The following KIAA1614 variants were observed in gnomAD, a reference collection of about 807,000 sequenced individuals.
The protein encoded by KIAA1614 is KIAA1614.
Under a neutral mutation model 88.7 loss-of-function variants are expected in KIAA1614, and 76 were observed. The ratio of observed to expected loss-of-function variants is 0.86; its 90% CI spans 0.71 to 1.04. KIAA1614 has a LOEUF of 1.04. KIAA1614 is among the 50% of genes least tolerant of loss of function. The pLI is 0.00. For missense variants in KIAA1614, 1,553 were observed against 1,582.5 expected (o/e 0.98, Z 0.32); for synonymous variants, 714 against 675.5 (o/e 1.06, Z -0.88).
chr1:180,928,922 C>T (rs749321391), intron 4 of KIAA1614, among the ~76,000 whole-genome samples: 10 of 152,166 alleles, frequency 6.6e-5, no homozygotes, highest in Admixed American at 2.0e-4. Flanking sequence ...GTTAACTCCA[C>T]CTGGAAAGGA....
chr1:180,945,369 C>A lies in KIAA1614; in HGVS notation c.3354C>A (p.Arg1118=), dbSNP rs200225289. 5 of 1,599,792 alleles carry A rather than the reference C, an allele frequency of 3.1e-6. No homozygotes were observed. Among genetic ancestry groups the A allele is most frequent in the Non-Finnish European group, 4.3e-6 (5 of 1,175,858 alleles). Residue 1118 remains arginine (R), a synonymous_variant, in exon 9 of 9, where the codon CGC becomes CGA. Coordinates refer to ENST00000367588, the MANE Select transcript of KIAA1614 (RefSeq NM_020950.2). ...VEDVGAPSLA[R]TVGRLVEVFP... is the part of the protein sequence containing the mutation. ...ACGTGGGTGCTCCCAGCCTGGCTCG[C>A]ACCGTGGGCCGCCTGGTGGAGGTGT...
intron 4 of KIAA1614, among the ~76,000 whole-genome samples, chr1:180,934,076 GA>G (rs1471809636): frequency 2.6e-5 from 4 of 152,278 alleles, no homozygotes; most frequent in Admixed American, 1.3e-4. Flanking sequence ...CCAACATGGA[GA>G]AACCCCGTCT....
chr1:180,919,350 G>A (rs572601237), intron 3 of KIAA1614, among the ~76,000 whole-genome samples: 105 of 152,282 alleles, frequency 6.9e-4, no homozygotes, highest in East Asian at 2.3e-3. Flanking sequence ...CTCCCTGGCC[G>A]CTGTTTCCAG....
At position 180,945,867 on chromosome 1, in the gene KIAA1614, GGCCGAGGC is replaced by G. The variant is rs1654579738; in HGVS notation, c.*283_*290del. 8.9e-7 allele frequency: 1 copy of G among 1,123,456 alleles called. No homozygotes were observed. The highest frequency in any genetic ancestry group is 1.6e-5 in the African/African-American group (1 of 61,052). The allele number at this position is 1,123,456 out of a possible 1,614,324, so 69.6% of individuals were successfully genotyped here. A position where few individuals can be genotyped will look rare whatever the true frequency, so the allele number is the denominator to read the frequency against. Reference sequence around the variant, plus strand: ...TGCCTGTAATCCCAGAACTTTGGGAGGCCGAGGCGCCTGGATCACCTGAGGTCAGGAGT... The same window carrying G: ...TGCCTGTAATCCCAGAACTTTGGGAGGCCTGGATCACCTGAGGTCAGGAGT... On this transcript the variant is annotated 3_prime_UTR_variant, in exon 9 of 9. Transcript: ENST00000367588.
At chr1:180,916,114 T>C (rs1296789807) in intron 1 of KIAA1614, 40 bp from the exon 2 acceptor site, 1 of 1,490,274 alleles carries the variant, frequency 6.7e-7, no homozygotes, top group African/African-American at 1.4e-5. Context: ...GGGTTAGTCC[T>C]GTGCTGGGTC....
intron 3 of KIAA1614, among the ~76,000 whole-genome samples, chr1:180,918,232 G>A (rs1000003037): frequency 6.6e-6 from 1 of 152,174 alleles, no homozygotes; most frequent in Non-Finnish European, 1.5e-5. Flanking sequence ...TGGGGAAATA[G>A]CATCTGTCTG....
intron 1 of KIAA1614, 58 bp from the exon 2 acceptor site, chr1:180,916,096 G>A (rs545594375): frequency 1.1e-5 from 15 of 1,383,772 alleles, no homozygotes; most frequent in East Asian, 4.6e-5. Context: ...GGCCCCGGGA[G>A]GTTGTGGGGG....
rs1455132305 is a variant in KIAA1614 at position 180,916,749 on chromosome 1, G to A, written c.646G>A (p.Val216Ile). ...TTTGCAACAGAGCCCGATCCATGGA[G>A]TTACTCCCGGACGGCCTGGGGGTCC... is the stretch of plus-strand genomic sequence containing the variant. The part of the protein sequence containing the change: ...SSLQQSPIHG[V>I]TPGRPGGPGH... The change falls in exon 2 of 9, where the codon GTT becomes ATT. Residue 216 changes from valine (V) to isoleucine (I), a missense_variant. Transcript: ENST00000367588. 6 of 1,614,232 alleles carry A rather than the reference G, an allele frequency of 3.7e-6. No individual in the cohort carries two copies. The highest frequency in any genetic ancestry group is 5.1e-6 in the Non-Finnish European group (6 of 1,180,048).
chr1:180,937,729 A>G (rs1309602472), intron 5 of KIAA1614, among the ~76,000 whole-genome samples: 1 of 152,198 alleles, frequency 6.6e-6, no homozygotes, highest in Non-Finnish European at 1.5e-5. Context: ...ACAGGGACAC[A>G]CAGACTTGGT....
chr1:180,916,081 T>C, intron 1 of KIAA1614, 73 bp from the exon 2 acceptor site: 1 of 1,241,734 alleles, frequency 8.1e-7, no homozygotes, highest in Non-Finnish European at 1.1e-6. Context: ...GCCAAGACAC[T>C]TTGGGGCCCC....
intron 7 of KIAA1614, among the ~76,000 whole-genome samples, chr1:180,942,000 C>T (rs1287420056): frequency 1.3e-5 from 2 of 152,196 alleles, no homozygotes; most frequent in Admixed American, 1.3e-4. Flanking sequence ...TGCAGGCACA[C>T]GCCCCTCAGG....
At chr1:180,942,619 A>T (rs886619129) in intron 7 of KIAA1614, among the ~76,000 whole-genome samples, 3 of 152,192 alleles carry the variant, frequency 2.0e-5, no homozygotes, top group Admixed American at 1.3e-4. Context: ...GCTGGGGGGA[A>T]TCGGCAGCGG....
At chr1:180,923,380 ACT>A (rs1269331861) in intron 3 of KIAA1614, among the ~76,000 whole-genome samples, 1 of 151,868 alleles carries the variant, frequency 6.6e-6, no homozygotes, top group Admixed American at 6.6e-5. Context: ...TACAAAAGAC[ACT>A]CTGCTCATTC....
intron 5 of KIAA1614, among the ~76,000 whole-genome samples, chr1:180,936,947 C>T (rs781328571): frequency 6.6e-6 from 1 of 152,192 alleles, no homozygotes; most frequent in Non-Finnish European, 1.5e-5. Context: ...GTGGTGGAGA[C>T]GTCCTCTTCC....
Position 180,935,918 on chromosome 1 carries a change from G to A in KIAA1614, c.2009G>A (p.Gly670Asp). Residue 670 changes from glycine (G) to aspartate (D), a missense_variant, in exon 5 of 9, where the codon GGC becomes GAC. Transcript: ENST00000367588. The surrounding 1 kb of genome is among the most constrained non-coding windows in gnomAD (Gnocchi z 6.1). ...AAGGCTGAGGCGGAGCTCCCTTGGG[G>A]CCTTCAGGCCCAGCAACACCTGCCT... is the stretch of plus-strand genomic sequence containing the variant. ...SKKAEAELPW[G>D]LQAQQHLPRA... 2.5e-6 allele frequency: 4 copies of A among 1,614,016 alleles called. No homozygotes were observed. Among genetic ancestry groups the A allele is most frequent in the Non-Finnish European group, 3.4e-6 (4 of 1,179,926 alleles).
intron 5 of KIAA1614, among the ~76,000 whole-genome samples, chr1:180,938,063 G>A (rs2102272305): frequency 6.6e-6 from 1 of 152,332 alleles, no homozygotes; most frequent in Non-Finnish European, 1.5e-5. Flanking sequence ...CTCTGGAGAG[G>A]ATTCCACTTG....
At chr1:180,937,290 G>A (rs576467359) in intron 5 of KIAA1614, among the ~76,000 whole-genome samples, 2 of 152,360 alleles carry the variant, frequency 1.3e-5, no homozygotes, top group East Asian at 3.9e-4. Context: ...CAGACACACT[G>A]TCCAGAGGAC....
At chr1:180,937,360 G>A (rs1245154934) in intron 5 of KIAA1614, among the ~76,000 whole-genome samples, 1 of 152,224 alleles carries the variant, frequency 6.6e-6, no homozygotes, top group Non-Finnish European at 1.5e-5. Flanking sequence ...GACCCTCCCT[G>A]GCCCCTGGGC....
At chr1:180,914,799 T>C (rs1653741504) in intron 1 of KIAA1614, among the ~76,000 whole-genome samples, 1 of 151,988 alleles carries the variant, frequency 6.6e-6, no homozygotes. Context: ...AGTGCAGTGG[T>C]GCAATCTTGG....
Sources: gnomAD v4.1 joint callset for allele counts (sites outside exome capture counted in the v4.1 genomes callset) on GRCh38, gnomAD v4.1.1 for gene constraint, Gnocchi (gnomAD v3.1) non-coding constraint, MANE v1.5 for transcripts, NCBI Gene and HGNC (gene_info 2026-07-23, HGNC 2026-07-21) for gene names.